The following KANK1 variants were observed in gnomAD, a reference collection of about 807,000 sequenced individuals.
KANK1 encodes KN motif and ankyrin repeat domain-containing protein 1.
KANK1 carries 109 observed loss-of-function variants against 106.2 expected under a neutral mutation model. The observed-to-expected ratio is 1.03, with a 90% CI of 0.88 to 1.20. The LOEUF is 1.20. KANK1 is among the 50% of genes most tolerant of loss of function. KANK1 has a pLI of 0.00. For missense variants in KANK1, 2,399 were observed against 1,710.7 expected, an observed-to-expected ratio of 1.40 and a Z score of -7.10; for synonymous variants, 873 against 652.2, an observed-to-expected ratio of 1.34 and a Z score of -5.16.
intron 1 of KANK1, among the ~76,000 whole-genome samples, chr9:669,770 A>G (rs1292989466): frequency 6.6e-6 from 1 of 151,912 alleles, no homozygotes; most frequent in African/African-American, 2.4e-5. Context: ...TTTTTCTCAT[A>G]TTTTGGAAAG....
At chr9:672,519 A>G (rs1815401837) in intron 1 of KANK1, among the ~76,000 whole-genome samples, 1 of 151,786 alleles carries the variant, frequency 6.6e-6, no homozygotes, top group Non-Finnish European at 1.5e-5. Flanking sequence ...TAAGAGGTCT[A>G]TTAACATTAG....
intron 1 of KANK1, among the ~76,000 whole-genome samples, chr9:631,676 A>G (rs1162361509): frequency 6.6e-6 from 1 of 152,146 alleles, no homozygotes; most frequent in African/African-American, 2.4e-5. Context: ...CTGCTTCCAA[A>G]ATAAAGTCCA....
At chr9:503,375 G>A (rs1359116105), upstream of KANK1, among the ~76,000 whole-genome samples, 3 of 152,178 alleles carry the variant, frequency 2.0e-5, no homozygotes, top group African/African-American at 7.2e-5. Context: ...AAGGCGCTGA[G>A]ATTCAAAATG....
At chr9:503,913 C>A (rs1401604744), upstream of KANK1, among the ~76,000 whole-genome samples, 38 of 152,186 alleles carry the variant, frequency 2.5e-4, 1 homozygote. Flanking sequence ...GTGGAGTCCC[C>A]AGAGACCTGC....
intron 1 of KANK1, among the ~76,000 whole-genome samples, chr9:556,901 C>G (rs76564735): frequency 1.3e-5 from 2 of 152,228 alleles, no homozygotes; most frequent in East Asian, 1.9e-4. Flanking sequence ...AGTATGGGGA[C>G]TTTGGACTCC....
At chr9:567,128 G>T (rs559215072) in intron 1 of KANK1, among the ~76,000 whole-genome samples, 1 of 152,234 alleles carries the variant, frequency 6.6e-6, no homozygotes, top group South Asian at 2.1e-4. Flanking sequence ...GTTTTTGTCA[G>T]GTTTGTCAAA....
chr9:513,039 G>A (rs975437877), intron 1 of KANK1, among the ~76,000 whole-genome samples: 5 of 152,224 alleles, frequency 3.3e-5, no homozygotes, highest in Admixed American at 6.5e-5. Context: ...CAGAAAAGCA[G>A]CTTCAAATGG....
Position 738,439 on chromosome 9 carries a change from A to G in KANK1, c.3488A>G (p.Asn1163Ser), listed in dbSNP as rs947918149. 12 of 1,614,172 alleles carry G rather than the reference A, an allele frequency of 7.4e-6. No individual in the cohort carries two copies. The highest frequency in any genetic ancestry group is 1.0e-5 in the Non-Finnish European group (12 of 1,180,032). The part of the protein sequence containing the change: ...YVINLADGNG[N>S]TALHYSVSHS... ...ATCAACTTGGCAGACGGCAACGGCA[A>G]CACAGCCCTCCATTACAGCGTGTCC... Residue 1163 changes from asparagine to serine, a missense_variant, in exon 8 of 12, where the codon AAC (asparagine) becomes AGC (serine). Transcript: ENST00000382297.
At chr9:598,108 C>G (rs962310629) in intron 1 of KANK1, among the ~76,000 whole-genome samples, 1 of 151,808 alleles carries the variant, frequency 6.6e-6, no homozygotes, top group Non-Finnish European at 1.5e-5. Context: ...CCCAGCACCA[C>G]TTGCTGAAGA....
intron 1 of KANK1, among the ~76,000 whole-genome samples, chr9:578,694 C>T (rs1821245831): frequency 6.6e-6 from 1 of 152,080 alleles, no homozygotes; most frequent in African/African-American, 2.4e-5. Flanking sequence ...AATAAAATAA[C>T]CATTACTAAG....
At chr9:684,798 G>A (rs78163011) in intron 2 of KANK1, among the ~76,000 whole-genome samples, 7 of 152,250 alleles carry the variant, frequency 4.6e-5, no homozygotes, top group Non-Finnish European at 4.4e-5. Flanking sequence ...CACAGTCACC[G>A]CTTTGGCTCC....
At chr9:629,077 C>CAAAAAAAA (rs34834497) in intron 1 of KANK1, among the ~76,000 whole-genome samples, 1 of 132,670 alleles carries the variant, frequency 7.5e-6, no homozygotes, top group Non-Finnish European at 1.6e-5. Flanking sequence ...CAACTGTTTC[C>CAAAAAAAA]AAAAAAAAAA....
chr9:505,849 T>A (rs148695305), intron 1 of KANK1, among the ~76,000 whole-genome samples: 1,795 of 152,276 alleles, frequency 0.012, 22 homozygotes, highest in African/African-American at 0.04. Flanking sequence ...GCCCCCCACC[T>A]CTGGAGCTGA....
chr9:487,322 T>G (rs2058310154), intron 3 of KANK1, among the ~76,000 whole-genome samples: 1 of 152,204 alleles, frequency 6.6e-6, no homozygotes, highest in Non-Finnish European at 1.5e-5. Flanking sequence ...ATAAATTACA[T>G]GAGAAATTCA....
At chr9:556,086 C>A (rs2061567893) in intron 1 of KANK1, among the ~76,000 whole-genome samples, 1 of 152,124 alleles carries the variant, frequency 6.6e-6, no homozygotes, top group Non-Finnish European at 1.5e-5. Context: ...TCTCTACAGT[C>A]TGTTTTGGCT....
At chr9:713,589 G>A (rs2130993521) in intron 3 of KANK1, 125 bp downstream of exon 3, 1 of 1,021,320 alleles carries the variant, frequency 9.8e-7, no homozygotes, top group Non-Finnish European at 1.4e-6. Flanking sequence ...GTTTTAGAGT[G>A]GTAATCTGTA....
chr9:516,713 A>G (rs1436814999), intron 1 of KANK1, among the ~76,000 whole-genome samples: 1 of 151,614 alleles, frequency 6.6e-6, no homozygotes, highest in Non-Finnish European at 1.5e-5. Context: ...ACTAGGTTAT[A>G]CTTCATAGGC....
chr9:553,523 G>T (rs750372281), intron 1 of KANK1, among the ~76,000 whole-genome samples: 1 of 152,160 alleles, frequency 6.6e-6, no homozygotes, highest in African/African-American at 2.4e-5. Context: ...TTGATCTTCC[G>T]CACCCTGTAG....
At chr9:679,994 T>A (rs1817213015) in intron 2 of KANK1, among the ~76,000 whole-genome samples, 1 of 152,182 alleles carries the variant, frequency 6.6e-6, no homozygotes, top group African/African-American at 2.4e-5. Context: ...TTAGAGAACC[T>A]AGATGAAGAT....
Sources: gnomAD v4.1 joint callset for allele counts (sites outside exome capture counted in the v4.1 genomes callset) on GRCh38, gnomAD v4.1.1 for gene constraint, MANE v1.5 for transcripts, NCBI Gene and HGNC (gene_info 2026-07-23, HGNC 2026-07-21) for gene names.